The following PERP variants were observed in gnomAD, a reference collection of about 807,000 sequenced individuals.
The protein encoded by PERP is p53 apoptosis effector related to PMP22.
In PERP, 11 loss-of-function variants were observed where a neutral mutation model predicts 20.3. The observed-to-expected ratio is 0.54, with a 90% CI of 0.34 to 0.90. The LOEUF is 0.90. PERP is among the 40% of genes least tolerant of loss of function. PERP has a pLI of 0.02. For synonymous variants in PERP, 101 were observed against 102.0 expected (o/e 0.99, Z 0.06); for missense variants, 224 against 249.4 (o/e 0.90, Z 0.69).
At chr6:138,094,198 A>G (rs534562934) in intron 2 of PERP, among the ~76,000 whole-genome samples, 1 of 152,308 alleles carries the variant, frequency 6.6e-6, no homozygotes, top group South Asian at 2.1e-4. Flanking sequence ...GTGGTATTAA[A>G]TGAATTCACA....
At position 138,090,426 on chromosome 6, in the gene PERP, G is replaced by C. The variant is rs185293111; in HGVS notation, c.*1616C>G. 1.3e-5 allele frequency: 2 copies of C among 152,180 alleles called. No individual in the cohort carries two copies. Among genetic ancestry groups the C allele is most frequent in the Non-Finnish European group, 2.9e-5 (2 of 68,042 alleles). 9.4% of individuals were successfully genotyped at this position (152,180 alleles called of 1,614,324 possible). ...TGCTACCCCACCACCTGAATGGAAG[G>C]GGACCCCAGCACAAGGAGGAGGCTT... is the stretch of plus-strand genomic sequence containing the variant. On this transcript the variant is annotated 3_prime_UTR_variant, in exon 3 of 3. Transcript: ENST00000421351.
chr6:138,098,221 C>T (rs1775725160), intron 1 of PERP, among the ~76,000 whole-genome samples: 1 of 152,186 alleles, frequency 6.6e-6, no homozygotes, highest in African/African-American at 2.4e-5. Context: ...ACCTGTCCTC[C>T]ATCTTGGCGT....
rs1775559559 is a variant in PERP at position 138,090,414 on chromosome 6, C to T, written c.*1628G>A. ...AAATAGAGAGACTGCTACCCCACCA[C>T]CTGAATGGAAGGGGACCCCAGCACA... On this transcript the variant is annotated 3_prime_UTR_variant, in exon 3 of 3. Coordinates refer to ENST00000421351, the MANE Select transcript of PERP (RefSeq NM_022121.5). 6.6e-6 allele frequency: 1 copy of T among 152,180 alleles called. No homozygotes were observed. The highest frequency in any genetic ancestry group is 6.5e-5 in the Admixed American group (1 of 15,276). 9.4% of individuals were successfully genotyped at this position (152,180 alleles called of 1,614,324 possible).
In PERP at chr6:138,107,097, GCGGCGA is replaced by G. The variant is rs898747777; in HGVS notation, c.214+24_214+29del. ...CCGCGGCCCCGAGGGCTTCCTGGAG[GCGGCGA>G]CGGCGGCGGCGGCGGGCACTCACCG... On this transcript the variant is annotated intron_variant, in intron 1 of 2. Coordinates refer to ENST00000421351, the MANE Select transcript of PERP (RefSeq NM_022121.5). This position sits in a 1 kb window ranked among gnomAD's most constrained non-coding sequence, Gnocchi z 4.8. 4 of 1,573,156 alleles carry G rather than the reference GCGGCGA, an allele frequency of 2.5e-6. No homozygotes were observed. The highest frequency in any genetic ancestry group is 2.6e-6 in the Non-Finnish European group (3 of 1,160,946).
chr6:138,092,160 A>C lies in PERP; in HGVS notation c.464T>G (p.Phe155Cys). The C allele has an allele frequency of 2.5e-6, 4 of 1,614,140 alleles. No individual in the cohort carries two copies. The highest frequency in any genetic ancestry group is 3.4e-6 in the Non-Finnish European group (4 of 1,180,008). ...VTYIYNWAYG[F>C]GWAATIILIG... ...CAGGATAATCGTGGCTGCCCACCCA[A>C]AGCCGTAGGCCCAGTTATAGATGTA... Residue 155 changes from phenylalanine (F) to cysteine (C), a missense_variant, in exon 3 of 3, where the codon TTT becomes TGT. Phe to Cys is a radical substitution (Grantham distance 205). Coordinates refer to ENST00000421351, the MANE Select transcript of PERP (RefSeq NM_022121.5).
chr6:138,100,658 A>T (rs1229464383), intron 1 of PERP, among the ~76,000 whole-genome samples: 1 of 152,158 alleles, frequency 6.6e-6, no homozygotes, highest in Non-Finnish European at 1.5e-5. Context: ...TCAGTACTCC[A>T]GGTAAATAGA....
At chr6:138,106,190 T>G (rs1236706320) in intron 1 of PERP, among the ~76,000 whole-genome samples, 2 of 152,200 alleles carry the variant, frequency 1.3e-5, no homozygotes, top group African/African-American at 4.8e-5. Context: ...AAAGCCCATT[T>G]GGCTTTAAGG....
At chr6:138,104,295 G>A (rs1299061447) in intron 1 of PERP, among the ~76,000 whole-genome samples, 1 of 152,106 alleles carries the variant, frequency 6.6e-6, no homozygotes, top group Admixed American at 6.5e-5. Flanking sequence ...TATAAACCAT[G>A]ATTTTTAAAA....
Position 138,096,569 on chromosome 6 carries a change from A to G in PERP, c.215-75T>C, listed in dbSNP as rs1050515648. 2.0e-6 allele frequency: 3 copies of G among 1,482,252 alleles called. No individual in the cohort carries two copies. The African/African-American group carries it at 4.2e-5, about 21-fold the overall frequency. 91.8% of individuals were successfully genotyped at this position (1,482,252 alleles called of 1,614,324 possible). Reference sequence around the variant, plus strand: ...AAAAATTACTTATCACAGTATCAACATGGTTTTGGGCTTTTTTTCCCTACT... The same window carrying G: ...AAAAATTACTTATCACAGTATCAACGTGGTTTTGGGCTTTTTTTCCCTACT... On this transcript the variant is annotated intron_variant, in intron 1 of 2. Coordinates refer to ENST00000421351, the MANE Select transcript of PERP (RefSeq NM_022121.5).
At chr6:138,101,100 C>T (rs969686915) in intron 1 of PERP, among the ~76,000 whole-genome samples, 1 of 152,128 alleles carries the variant, frequency 6.6e-6, no homozygotes, top group African/African-American at 2.4e-5. Flanking sequence ...AGGCCAGCCG[C>T]GGTGGCTCAA....
Position 138,096,637 on chromosome 6 carries a change from T to C in PERP, c.215-143A>G. 10 of 874,564 alleles carry C rather than the reference T, an allele frequency of 1.1e-5. No homozygotes were observed. In the South Asian group the frequency reaches 1.9e-4, roughly 17 times the overall value. The allele number at this position is 874,564 out of a possible 1,614,324, so 54.2% of individuals were successfully genotyped here. A position where few individuals can be genotyped will look rare whatever the true frequency, so the allele number is the denominator to read the frequency against. Reference sequence around the variant, plus strand: ...GGGACAGTTTTTCTTTTGACAATACTTGAGCATCTCCATATTTTAAGGGAA... The same window carrying C: ...GGGACAGTTTTTCTTTTGACAATACCTGAGCATCTCCATATTTTAAGGGAA... On this transcript the variant is annotated intron_variant, in intron 1 of 2. Transcript: ENST00000421351.
chr6:138,106,177 G>A (rs1376723639), intron 1 of PERP, among the ~76,000 whole-genome samples: 1 of 152,158 alleles, frequency 6.6e-6, no homozygotes, highest in African/African-American at 2.4e-5. Flanking sequence ...AAACCCGGTA[G>A]GTAAAGCCCA....
At chr6:138,102,752 C>T (rs1775791853) in intron 1 of PERP, among the ~76,000 whole-genome samples, 1 of 152,130 alleles carries the variant, frequency 6.6e-6, no homozygotes, top group South Asian at 2.1e-4. Context: ...GAGTGGCCAA[C>T]TTTTTATTTT....
intron 1 of PERP, among the ~76,000 whole-genome samples, 186 bp downstream of exon 1, chr6:138,106,941 C>T (rs904507228): frequency 7.6e-6 from 1 of 131,652 alleles, no homozygotes; most frequent in Non-Finnish European, 1.6e-5. Context: ...GTGTTGGCCA[C>T]CCAAAGCTAC....
intron 1 of PERP, among the ~76,000 whole-genome samples, chr6:138,097,725 T>A (rs890716418): frequency 6.6e-6 from 1 of 152,204 alleles, no homozygotes; most frequent in Non-Finnish European, 1.5e-5. Flanking sequence ...CCTGTTTGAA[T>A]CCAAAACATG....
chr6:138,102,271 A>G lies in PERP; in HGVS notation c.214+4856T>C, dbSNP rs535171492. 9.2e-5 allele frequency among the ~76,000 whole-genome samples: 14 copies of G among 152,358 alleles called. No homozygotes were observed. In the South Asian group the frequency reaches 2.9e-3, roughly 32 times the overall value. On this transcript the variant is annotated intron_variant, in intron 1 of 2. Transcript: ENST00000421351. ...AACGAGGGGAGAAGCCATTCTATAC[A>G]GGACAGGGTGAAAACAGGAAAAGTC...
rs753070632 is a variant in PERP at position 138,096,383 on chromosome 6, C to G, written c.326G>C (p.Arg109Thr). 1 of 1,614,054 alleles carries G rather than the reference C, an allele frequency of 6.2e-7. No individual in the cohort carries two copies. Among genetic ancestry groups the G allele is most frequent in the South Asian group, 1.1e-5 (1 of 91,036 alleles). The change falls in exon 2 of 3, where the codon AGA (arginine) becomes ACA (threonine). Residue 109 changes from arginine to threonine, a missense_variant. Physicochemically the swap from Arg to Thr is moderately conservative, Grantham distance 71. Transcript: ENST00000421351. ...CAAGGCAAGGAGACCTCCAATCACT[C>G]TCAGGAAGACAAGCATCTGGGGTCC... is the stretch of plus-strand genomic sequence containing the variant. Reference protein sequence around the residue: ...LCGPQMLVFLRVIGGLLALAA... With the variant: ...LCGPQMLVFLTVIGGLLALAA...
chr6:138,105,683 A>C (rs1441652351), intron 1 of PERP, among the ~76,000 whole-genome samples: 1 of 152,244 alleles, frequency 6.6e-6, no homozygotes, highest in Non-Finnish European at 1.5e-5. Context: ...GGTCTGCATT[A>C]GTCTTTGGAG....
At chr6:138,092,642 T>C (rs1430065105) in intron 2 of PERP, among the ~76,000 whole-genome samples, 1 of 152,198 alleles carries the variant, frequency 6.6e-6, no homozygotes, top group East Asian at 1.9e-4. Flanking sequence ...TTGTGTTTCC[T>C]ATACCAAACA....
Sources: gnomAD v4.1 joint callset for allele counts (sites outside exome capture counted in the v4.1 genomes callset) on GRCh38, gnomAD v4.1.1 for gene constraint, Gnocchi (gnomAD v3.1) non-coding constraint, MANE v1.5 for transcripts, NCBI Gene and HGNC (gene_info 2026-07-23, HGNC 2026-07-21) for gene names.